The following CA4 variants were observed in gnomAD, a reference collection of about 807,000 sequenced individuals.
The protein encoded by CA4 is CA-IV.
CA4 carries 24 observed loss-of-function variants against 34.5 expected under a neutral mutation model. The ratio of observed to expected loss-of-function variants is 0.70; its 90% CI spans 0.50 to 0.98. The LOEUF is 0.98. CA4 is among the 50% of genes least tolerant of loss of function. The pLI, the probability that CA4 is intolerant of heterozygous loss-of-function variation, is 0.00. For synonymous variants in CA4, 178 were observed against 170.6 expected, an observed-to-expected ratio of 1.04 and a Z score of -0.34; for missense variants, 394 against 396.7, an observed-to-expected ratio of 0.99 and a Z score of 0.06.
At chr17:60,163,856 C>T (rs190882307), downstream of CA4, among the ~76,000 whole-genome samples, 626 of 152,276 alleles carry the variant, frequency 4.1e-3, 2 homozygotes, top group Non-Finnish European at 6.0e-3. Context: ...TTCAGCCAGG[C>T]GCAGTGGCTC....
intron 5 of CA4, among the ~76,000 whole-genome samples, chr17:60,167,573 C>T (rs911331077): frequency 1.3e-5 from 2 of 152,352 alleles, no homozygotes; most frequent in Admixed American, 6.5e-5. Context: ...ATGGAACTAC[C>T]AGGCACCATT....
At chr17:60,158,862 A>G (rs748850041) in intron 7 of CA4, 1 of 416,854 alleles carries the variant, frequency 2.4e-6, no homozygotes, top group Non-Finnish European at 4.5e-6. Flanking sequence ...GAGCTACTGA[A>G]TCAGGAACTC....
chr17:60,173,274 T>C (rs2083928335), downstream of CA4, among the ~76,000 whole-genome samples: 1 of 152,266 alleles, frequency 6.6e-6, no homozygotes, highest in Non-Finnish European at 1.5e-5. Context: ...TGAAATACTT[T>C]TATTACAACT....
At position 60,155,354 on chromosome 17, in the gene CA4, C is replaced by G; in HGVS notation, c.99C>G (p.Asn33Lys). ...ACGAGGTTCAAGCCGAGTCCTCCAA[C>G]TACCCCTGCTTGGGTGAGTACAGCC... ...WCYEVQAESS[N>K]YPCLVPVKWG... The change falls in exon 2 of 8, where the codon AAC becomes AAG. Residue 33 changes from asparagine (N) to lysine (K), a missense_variant. Physicochemically the swap from Asn to Lys is moderately conservative, Grantham distance 94. Coordinates refer to ENST00000300900, the MANE Select transcript of CA4 (RefSeq NM_000717.5). The G allele has an allele frequency of 3.1e-6, 5 of 1,610,356 alleles. No homozygotes were observed. Among genetic ancestry groups the G allele is most frequent in the Non-Finnish European group, 4.2e-6 (5 of 1,178,376 alleles).
chr17:60,162,758 T>C (rs149937069), downstream of CA4, among the ~76,000 whole-genome samples: 4,239 of 152,156 alleles, frequency 0.028, 86 homozygotes, highest in Non-Finnish European at 0.045. Flanking sequence ...TGCAATCCCA[T>C]TGGGGTGGTG....
At chr17:60,176,479 C>T in the CA4 span, among the ~76,000 whole-genome samples, 1 of 151,954 alleles carries the variant, frequency 6.6e-6, no homozygotes, top group African/African-American at 2.4e-5. Context: ...TCTGGTTTCT[C>T]GGTGCTCCCT....
downstream of CA4, among the ~76,000 whole-genome samples, chr17:60,174,060 C>T (rs2083936329): frequency 6.6e-6 from 1 of 152,144 alleles, no homozygotes; most frequent in Non-Finnish European, 1.5e-5. Flanking sequence ...GGGAAGAATG[C>T]TTTTGAGTAC....
Position 60,155,377 on chromosome 17 carries a change from G to T in CA4, c.112+10G>T, listed in dbSNP as rs759438374. On this transcript the variant is annotated intron_variant, in intron 2 of 7. Transcript: ENST00000300900. ...AACTACCCCTGCTTGGGTGAGTACA[G>T]CCAGTCCAGGGGACTGCTCTTTGTG... The T allele has an allele frequency of 2.5e-6, 4 of 1,602,348 alleles. No homozygotes were observed. The highest frequency in any genetic ancestry group is 2.6e-6 in the Non-Finnish European group (3 of 1,174,146).
downstream of CA4, among the ~76,000 whole-genome samples, chr17:60,171,136 A>C (rs2083907653): frequency 6.6e-6 from 1 of 152,266 alleles, no homozygotes; most frequent in Non-Finnish European, 1.5e-5. Flanking sequence ...TAAATGTCTA[A>C]GCCCATCTCC....
At chr17:60,174,619 G>T (rs1203137889), downstream of CA4, among the ~76,000 whole-genome samples, 2 of 152,198 alleles carry the variant, frequency 1.3e-5, no homozygotes, top group Non-Finnish European at 2.9e-5. Context: ...TGGTCAGGAA[G>T]TCTGGCAAAC....
intron 1 of CA4, among the ~76,000 whole-genome samples, chr17:60,154,423 G>GC (rs2083644511): frequency 6.6e-6 from 1 of 152,174 alleles, no homozygotes; most frequent in South Asian, 2.1e-4. Flanking sequence ...ACCCATCTAA[G>GC]CCCCCTGAGC....
chr17:60,175,569 TAA>T (rs879729768), downstream of CA4, among the ~76,000 whole-genome samples: 10 of 117,380 alleles, frequency 8.5e-5, no homozygotes, highest in Admixed American at 2.8e-4. Context: ...TGTCTCTATT[TAA>T]AAAAAAAAAA....
rs760286281 is a variant in CA4, at chr17:60,157,727, G to A, written c.452G>A (p.Arg151Lys). ...CATGAGAAAGAGAAGGGGACATCGA[G>A]GAATGTGAAAGAGGCCCAGGACCCT... is the stretch of plus-strand genomic sequence containing the variant. ...IVHEKEKGTS[R>K]NVKEAQDPED... is the part of the protein sequence containing the mutation. Residue 151 changes from arginine (R) to lysine (K), a missense_variant, in exon 5 of 8, where the codon AGG becomes AAG. Physicochemically the swap from Arg to Lys is conservative, Grantham distance 26 (BLOSUM62 2). Coordinates refer to ENST00000300900, the MANE Select transcript of CA4 (RefSeq NM_000717.5). 2 of 1,614,132 alleles carry A rather than the reference G, an allele frequency of 1.2e-6. No homozygotes were observed. Among genetic ancestry groups the A allele is most frequent in the Non-Finnish European group, 1.7e-6 (2 of 1,179,964 alleles).
At chr17:60,175,386 T>C (rs1598012360), downstream of CA4, among the ~76,000 whole-genome samples, 1 of 150,192 alleles carries the variant, frequency 6.7e-6, no homozygotes, top group African/African-American at 2.5e-5. Flanking sequence ...CTGGGCAACA[T>C]GGTGAAACCC....
chr17:60,173,486 T>C (rs998126420), downstream of CA4, among the ~76,000 whole-genome samples: 2 of 152,244 alleles, frequency 1.3e-5, no homozygotes, highest in Non-Finnish European at 2.9e-5. Context: ...ATGAGGCAGT[T>C]CGCTTCCCTT....
intron 5 of CA4, among the ~76,000 whole-genome samples, chr17:60,167,643 G>T (rs1256253569): frequency 6.6e-6 from 1 of 152,344 alleles, no homozygotes; most frequent in East Asian, 1.9e-4. Context: ...TGGTTTTCCA[G>T]GCTCTATTTA....
At chr17:60,150,233 G>T (rs1316587093) in intron 1 of CA4, 141 bp downstream of exon 1, 5 of 680,614 alleles carry the variant, frequency 7.3e-6, no homozygotes, top group East Asian at 5.9e-5. Context: ...TGCGCCGGGG[G>T]CCGCGAGGGT....
chr17:60,157,622 C>G (rs770051425), intron 4 of CA4, 50 bp downstream of exon 4: 1 of 1,614,100 alleles, frequency 6.2e-7, no homozygotes, highest in East Asian at 2.2e-5. Context: ...GGGCGCGCAC[C>G]TGCCTTGGGC....
At chr17:60,164,133 G>T (rs1318849153), downstream of CA4, among the ~76,000 whole-genome samples, 4 of 149,020 alleles carry the variant, frequency 2.7e-5, no homozygotes, top group Non-Finnish European at 6.0e-5. Context: ...AAAAACAAAC[G>T]TAATCTTCCT....
Sources: gnomAD v4.1 joint callset for allele counts (sites outside exome capture counted in the v4.1 genomes callset) on GRCh38, gnomAD v4.1.1 for gene constraint, MANE v1.5 for transcripts, NCBI Gene and HGNC (gene_info 2026-07-23, HGNC 2026-07-21) for gene names.